The following EPB41 variants were observed in gnomAD, a reference collection of about 807,000 sequenced individuals.
The protein encoded by EPB41 is protein 4.1.
A neutral mutation model predicts 108.0 loss-of-function variants in EPB41; 65 were observed. That is an observed-to-expected ratio of 0.60 (90% CI 0.49 to 0.74). The LOEUF (loss-of-function observed/expected upper bound fraction) is 0.74. Among genes scored for constraint, EPB41 ranks in the 30% least tolerant of loss-of-function variants. The pLI is 0.00. For missense variants in EPB41, 875 were observed against 1,037.0 expected, an observed-to-expected ratio of 0.84 and a Z score of 2.15; for synonymous variants, 336 against 358.9, an observed-to-expected ratio of 0.94 and a Z score of 0.72.
At chr1:28,904,622 G>T (rs1295520768) in intron 1 of EPB41, among the ~76,000 whole-genome samples, 2 of 152,156 alleles carry the variant, frequency 1.3e-5, no homozygotes, top group Non-Finnish European at 2.9e-5. Flanking sequence ...CCAAGGCCAG[G>T]CGCGGTGGCT....
chr1:28,942,372 T>G (rs1373819754), intron 1 of EPB41, among the ~76,000 whole-genome samples: 1 of 152,208 alleles, frequency 6.6e-6, no homozygotes, highest in Non-Finnish European at 1.5e-5. Context: ...ACCAACTGGC[T>G]CCAAATTGGG....
Position 29,027,492 on chromosome 1 carries a change from C to T in EPB41, c.1125-2908C>T, listed in dbSNP as rs1034882752. ...GATTACAGGCATGTGCCACCACGCC[C>T]GGCTAATTTTGTACTTTTAGTAGAG... On this transcript the variant is annotated intron_variant, in intron 7 of 20. Transcript: ENST00000343067. 2.4e-4 allele frequency among the ~76,000 whole-genome samples: 36 copies of T among 151,854 alleles called. 1 individual carries two copies. Among genetic ancestry groups the T allele is most frequent in the Admixed American group, 5.2e-4 (8 of 15,258 alleles).
intron 11 of EPB41, among the ~76,000 whole-genome samples, chr1:29,045,896 A>G (rs955080208): frequency 1.3e-5 from 2 of 150,952 alleles, no homozygotes; most frequent in African/African-American, 2.4e-5. Flanking sequence ...GGATCACTTC[A>G]GCCTAGGAGG....
In EPB41 at chr1:29,119,854, TG is replaced by T. The variant is rs1671616462; in HGVS notation, c.*3043del. Reference sequence around the variant, plus strand: ...AAAATTATGAATCATATCAAGTAGTTGTTTACATTTCTTGAAAAAATAGGAA... The same window carrying T: ...AAAATTATGAATCATATCAAGTAGTTTTTACATTTCTTGAAAAAATAGGAA... On this transcript the variant is annotated 3_prime_UTR_variant, in exon 21 of 21. Coordinates refer to ENST00000343067, the MANE Select transcript of EPB41 (RefSeq NM_001376013.1). The T allele has an allele frequency of 6.6e-6, 1 of 152,556 alleles. No individual in the cohort carries two copies. The highest frequency in any genetic ancestry group is 1.5e-5 in the Non-Finnish European group (1 of 68,044). The allele number at this position is 152,556 out of a possible 1,614,324, so 9.5% of individuals were successfully genotyped here.
intron 4 of EPB41, among the ~76,000 whole-genome samples, chr1:29,008,100 A>G (rs1363528083): frequency 1.3e-5 from 2 of 152,132 alleles, no homozygotes; most frequent in Non-Finnish European, 2.9e-5. Context: ...TCTCCTTTAT[A>G]ACATGTGTTC....
chr1:28,918,382 G>A (rs1049467102), intron 1 of EPB41, among the ~76,000 whole-genome samples: 1 of 152,074 alleles, frequency 6.6e-6, no homozygotes, highest in South Asian at 2.1e-4. Context: ...GTTTCATCAA[G>A]TTTGTGTTTG....
chr1:28,956,691 A>G (rs2094961265), intron 1 of EPB41, among the ~76,000 whole-genome samples: 1 of 152,216 alleles, frequency 6.6e-6, no homozygotes, highest in South Asian at 2.1e-4. Flanking sequence ...ATTACTACAG[A>G]ATAATTCAGA....
In EPB41 at chr1:28,993,311, C is replaced by T. The variant is rs771351658; in HGVS notation, c.469-19C>T. ...TGAAATGTGTTTATTACTGACTTGG[C>T]GATGTCATGGATATGTAGCCTGCTC... On this transcript the variant is annotated intron_variant, in intron 2 of 20. Transcript: ENST00000343067. The T allele has an allele frequency of 3.1e-6, 5 of 1,598,366 alleles. No individual in the cohort carries two copies. The East Asian group carries it at 8.9e-5, about 29-fold the overall frequency.
In EPB41 at chr1:29,080,203, C is replaced by G. The variant is rs140031105; in HGVS notation, c.2184+15045C>G. Among the ~76,000 whole-genome samples the G allele has an allele frequency of 1.4e-3, 214 of 151,556 alleles. 1 individual carries two copies. The highest frequency in any genetic ancestry group is 5.0e-3 in the African/African-American group (207 of 41,376). On this transcript the variant is annotated intron_variant, in intron 16 of 20. Coordinates refer to ENST00000343067, the MANE Select transcript of EPB41 (RefSeq NM_001376013.1). ...GCGCAATCTTGGCTCATTACAACCT[C>G]TCCCTCCCGGGTTCAAGCGATTCTC...
intron 1 of EPB41, among the ~76,000 whole-genome samples, chr1:28,980,829 C>T (rs111503720): frequency 4.2e-4 from 58 of 137,952 alleles, no homozygotes; most frequent in African/African-American, 1.5e-3. Context: ...TAGAGTCTCA[C>T]TCTGTCACCC....
chr1:29,086,574 C>G (rs968867148), intron 16 of EPB41, among the ~76,000 whole-genome samples: 6 of 151,956 alleles, frequency 3.9e-5, no homozygotes, highest in African/African-American at 1.2e-4. Flanking sequence ...GCCCGGCCAC[C>G]TTAAGATCCT....
At chr1:28,946,405 C>A (rs1411106918) in intron 1 of EPB41, among the ~76,000 whole-genome samples, 2 of 152,116 alleles carry the variant, frequency 1.3e-5, no homozygotes, top group Non-Finnish European at 2.9e-5. Flanking sequence ...CTGCACCTGG[C>A]CAACTCTTTT....
At chr1:29,070,753 T>G in intron 16 of EPB41, 1 of 1,179,960 alleles carries the variant, frequency 8.5e-7, no homozygotes, top group Non-Finnish European at 1.1e-6. Flanking sequence ...CATTTTTCTG[T>G]CAAATGTTAC....
At chr1:28,975,539 TC>T (rs2095583829) in intron 1 of EPB41, among the ~76,000 whole-genome samples, 1 of 152,130 alleles carries the variant, frequency 6.6e-6, no homozygotes, top group African/African-American at 2.4e-5. Context: ...TTTATCTACT[TC>T]CTTACTTAAA....
chr1:29,099,360 T>A (rs1329278344), intron 17 of EPB41, among the ~76,000 whole-genome samples: 2 of 151,864 alleles, frequency 1.3e-5, no homozygotes, highest in Non-Finnish European at 2.9e-5. Flanking sequence ...GGTCTCACTC[T>A]GTTGCCCAGG....
At chr1:28,983,183 G>T (rs1011676095) in intron 1 of EPB41, among the ~76,000 whole-genome samples, 1 of 152,190 alleles carries the variant, frequency 6.6e-6, no homozygotes, top group African/African-American at 2.4e-5. Flanking sequence ...CTGATTAAGT[G>T]CCAAAAAGAG....
Position 28,896,944 on chromosome 1 carries a change from A to G in EPB41, c.-8+9734A>G, listed in dbSNP as rs1220767824. On this transcript the variant is annotated intron_variant, in intron 1 of 16. Coordinates refer to the EPB41 transcript ENST00000347529. ...TTGGGGCCTGGGGCCAATGGGGCCC[A>G]CTGGGGTCTCTGGCTGAGGGACATA... is the stretch of plus-strand genomic sequence containing the variant. 2.6e-5 allele frequency among the ~76,000 whole-genome samples: 4 copies of G among 152,330 alleles called. No individual in the cohort carries two copies. The East Asian group carries it at 7.7e-4, about 29-fold the overall frequency.
At chr1:29,108,378 C>T (rs990176381) in intron 17 of EPB41, among the ~76,000 whole-genome samples, 6 of 151,688 alleles carry the variant, frequency 4.0e-5, no homozygotes, top group Admixed American at 1.3e-4. Context: ...AAACTCCCCA[C>T]CTCAGGTGAT....
At chr1:29,063,791 T>G (rs1646920440) in intron 15 of EPB41, among the ~76,000 whole-genome samples, 1 of 152,222 alleles carries the variant, frequency 6.6e-6, no homozygotes, top group Admixed American at 6.5e-5. Flanking sequence ...CCACATGTTT[T>G]GATCTCAAGC....
Sources: allele counts gnomAD v4.1 joint callset (sites outside exome capture counted in the v4.1 genomes callset), GRCh38; gene constraint gnomAD v4.1.1; transcripts MANE v1.5; gene names NCBI Gene and HGNC (gene_info 2026-07-23, HGNC 2026-07-21).